The following ANXA2 variants were observed in gnomAD, a reference collection of about 807,000 sequenced individuals.
ANXA2 encodes the protein annexin II.
Under a neutral mutation model 47.3 loss-of-function variants are expected in ANXA2, and 28 were observed. The observed-to-expected ratio is 0.59, with a 90% CI of 0.44 to 0.81. The LOEUF is 0.81. ANXA2 is among the 40% of genes least tolerant of loss of function. The pLI is 0.00. For synonymous variants in ANXA2, 172 were observed against 155.5 expected, an observed-to-expected ratio of 1.11 and a Z score of -0.79; for missense variants, 384 against 414.3, an observed-to-expected ratio of 0.93 and a Z score of 0.64.
At chr15:60,373,832 A>G (rs2062741717) in intron 3 of ANXA2, among the ~76,000 whole-genome samples, 1 of 152,228 alleles carries the variant, frequency 6.6e-6, no homozygotes, top group Non-Finnish European at 1.5e-5. Context: ...CTCTGTCACA[A>G]GCCTGGCCCC....
At chr15:60,386,376 C>T (rs1307890046) in intron 1 of ANXA2, 1 of 320,970 alleles carries the variant, frequency 3.1e-6, no homozygotes, top group Non-Finnish European at 5.8e-6. Context: ...TTCCCCATGG[C>T]TAATGCAACC....
Position 60,347,620 on chromosome 15 carries a change from G to A in ANXA2, c.*10C>T, listed in dbSNP as rs766683667. On this transcript the variant is annotated 3_prime_UTR_variant, in exon 13 of 13. Coordinates refer to ENST00000451270, the MANE Select transcript of ANXA2 (RefSeq NM_004039.3). ...AGCACCATTTCTGGACGCTCAGGCC[G>A]TGTCGGGCTTCAGTCATCTCCACCA... is the stretch of plus-strand genomic sequence containing the variant. 6.3e-5 allele frequency: 102 copies of A among 1,613,852 alleles called. 1 individual carries two copies. The South Asian group carries it at 7.5e-4, about 12-fold the overall frequency.
intron 1 of ANXA2, chr15:60,393,320 G>T: frequency 1.0e-6 from 1 of 998,358 alleles, no homozygotes; most frequent in Non-Finnish European, 1.2e-6. Context: ...AGACCGGCAG[G>T]AAGAATGATG....
At chr15:60,347,887 G>C (rs1895796228) in intron 12 of ANXA2, among the ~76,000 whole-genome samples, 198 bp from the exon 13 acceptor site, 5 of 152,228 alleles carry the variant, frequency 3.3e-5, no homozygotes, top group Admixed American at 3.3e-4. Flanking sequence ...AGTGTGGTCG[G>C]AGGAGGTGCT....
chr15:60,365,944 C>T (rs1437705580), intron 3 of ANXA2, among the ~76,000 whole-genome samples: 2 of 141,640 alleles, frequency 1.4e-5, no homozygotes, highest in Non-Finnish European at 3.1e-5. Context: ...ACTGCAACCT[C>T]CCTGCCTGAT....
At chr15:60,358,926 T>C (rs900350028) in intron 5 of ANXA2, among the ~76,000 whole-genome samples, 2 of 152,192 alleles carry the variant, frequency 1.3e-5, no homozygotes, top group African/African-American at 4.8e-5. Context: ...AGAATTCCAA[T>C]AGTGTTTTTA....
At chr15:60,354,793 C>T (rs2062402479) in intron 7 of ANXA2, among the ~76,000 whole-genome samples, 1 of 152,108 alleles carries the variant, frequency 6.6e-6, no homozygotes, top group Admixed American at 6.5e-5. Flanking sequence ...GTCCCCATCC[C>T]CCACAAAAAG....
intron 11 of ANXA2, among the ~76,000 whole-genome samples, chr15:60,349,677 T>C (rs1277600434): frequency 1.3e-5 from 2 of 150,436 alleles, no homozygotes; most frequent in African/African-American, 4.9e-5. Context: ...GAACACTACT[T>C]GTTTCCCAAA....
In ANXA2 at chr15:60,352,206, T is replaced by C. The variant is rs2062360440; in HGVS notation, c.682+177A>G. 6.6e-6 allele frequency among the ~76,000 whole-genome samples: 1 copy of C among 152,120 alleles called. No homozygotes were observed. The highest frequency in any genetic ancestry group is 1.5e-5 in the Non-Finnish European group (1 of 68,022). ...ATAAAGCACCAAATGCAGAAACTAT[T>C]TGCAAGAGAAAAGAATCCAGAATGG... On this transcript the variant is annotated intron_variant, in intron 9 of 12. Transcript: ENST00000451270. This position sits in a 1 kb window ranked among gnomAD's most constrained non-coding sequence, Gnocchi z 4.2.
At chr15:60,351,433 G>T in intron 10 of ANXA2, 182 bp from the exon 11 acceptor site, 1 of 672,350 alleles carries the variant, frequency 1.5e-6, no homozygotes, top group African/African-American at 1.8e-5. Context: ...TTCCACCACG[G>T]TTTTAAACCA....
chr15:60,367,393 C>CAG (rs1555401298), intron 3 of ANXA2, among the ~76,000 whole-genome samples: 1 of 7,390 alleles, frequency 1.4e-4, no homozygotes, highest in African/African-American at 6.5e-4. Flanking sequence ...GGGAGGGAGG[C>CAG]GGGGGGGGGT....
chr15:60,373,874 T>C (rs1435876732), intron 3 of ANXA2, among the ~76,000 whole-genome samples: 1 of 152,202 alleles, frequency 6.6e-6, no homozygotes, highest in Non-Finnish European at 1.5e-5. Context: ...CTGTGAAATA[T>C]GGGGCAAAGA....
intron 6 of ANXA2, 58 bp downstream of exon 6, chr15:60,357,088 A>T: frequency 6.6e-7 from 1 of 1,515,246 alleles, no homozygotes; most frequent in Non-Finnish European, 9.2e-7. Context: ...CCCAGTGGCC[A>T]TGATAGAGTC....
rs142567732 is a variant in ANXA2 at position 60,382,425 on chromosome 15, C to T, written c.65G>A (p.Ser22Asn). Residue 22 changes from serine (S) to asparagine (N), a missense_variant, in exon 3 of 13, where the codon AGT (serine) becomes AAT (asparagine). Coordinates refer to ENST00000451270, the MANE Select transcript of ANXA2 (RefSeq NM_004039.3). ...SLEGDHSTPP[S>N]AYGSVKAYTN... is the part of the protein sequence containing the mutation. ...ATAGGCTTTGACAGACCCATATGCA[C>T]TTGGGGGTGTAGAGTGCTGAGGTTA... The T allele has an allele frequency of 5.6e-6, 9 of 1,613,274 alleles. No individual in the cohort carries two copies. Among genetic ancestry groups the T allele is most frequent in the Middle Eastern group, 1.6e-4 (1 of 6,078 alleles).
At position 60,364,457 on chromosome 15, in the gene ANXA2, G is replaced by A. The variant is rs1272564274; in HGVS notation, c.215C>T (p.Ala72Val). ...NRSNAQRQDI[A>V]FAYQRRTKKE... is the part of the protein sequence containing the mutation. ...TTTGGTCCTTCTCTGGTAGGCGAAG[G>A]CAATATCCTGTCTCTGTGCATTGCT... The change falls in exon 4 of 13, where the codon GCC becomes GTC. Residue 72 changes from alanine to valine, a missense_variant. Physicochemically the swap from Ala to Val is moderately conservative, Grantham distance 64 (BLOSUM62 0). Transcript: ENST00000451270. 1.9e-6 allele frequency: 3 copies of A among 1,613,068 alleles called. No homozygotes were observed. Among genetic ancestry groups the A allele is most frequent in the Non-Finnish European group, 2.5e-6 (3 of 1,179,728 alleles).
At position 60,351,230 on chromosome 15, in the gene ANXA2, G is replaced by T; in HGVS notation, c.800C>A (p.Pro267His). ...ATACAGCCGATCAGCAAAATACAGG[G>T]GCTTGTTCTGAATGCACTGAACTGT... ...LNLVQCIQNKPLYFADRLYDS... is the reference protein window; with the variant it reads ...LNLVQCIQNKHLYFADRLYDS... The change falls in exon 11 of 13, where the codon CCC becomes CAC. Residue 267 changes from proline (P) to histidine (H), a missense_variant. Coordinates refer to ENST00000451270, the MANE Select transcript of ANXA2 (RefSeq NM_004039.3). The T allele has an allele frequency of 6.2e-7, 1 of 1,614,190 alleles. No individual in the cohort carries two copies. The highest frequency in any genetic ancestry group is 8.5e-7 in the Non-Finnish European group (1 of 1,180,042).
intron 7 of ANXA2, among the ~76,000 whole-genome samples, chr15:60,354,635 AAAGAAAG>A (rs1158626779): frequency 6.7e-6 from 1 of 149,578 alleles, no homozygotes; most frequent in African/African-American, 2.5e-5. Flanking sequence ...AAAAAAAAAA[AAAGAAAG>A]AAAGAAAAGA....
Position 60,385,901 on chromosome 15 carries a change from A to G in ANXA2, c.48+127T>C. 6 of 612,988 alleles carry G rather than the reference A, an allele frequency of 9.8e-6. No individual in the cohort carries two copies. The South Asian group carries it at 1.4e-4, about 14-fold the overall frequency. The allele number at this position is 612,988 out of a possible 1,614,324, so 38.0% of individuals were successfully genotyped here. A position where few individuals can be genotyped will look rare whatever the true frequency, so the allele number is the denominator to read the frequency against. On this transcript the variant is annotated intron_variant, in intron 2 of 12. Transcript: ENST00000451270. Reference sequence around the variant, plus strand: ...AACAGCTGAAGTATTAAGAAAGAGGAGAACCAAATGATGACTGTCTGAATT... The same window carrying G: ...AACAGCTGAAGTATTAAGAAAGAGGGGAACCAAATGATGACTGTCTGAATT...
chr15:60,355,718 T>C, intron 7 of ANXA2: 1 of 638,736 alleles, frequency 1.6e-6, no homozygotes, highest in Admixed American at 2.2e-5. Context: ...AGTCCACTTG[T>C]CCATGAGGTT....
Sources: allele counts gnomAD v4.1 joint callset (sites outside exome capture counted in the v4.1 genomes callset), GRCh38; gene constraint gnomAD v4.1.1; non-coding constraint Gnocchi (gnomAD v3.1); transcripts MANE v1.5; gene names NCBI Gene and HGNC (gene_info 2026-07-23, HGNC 2026-07-21).